Variants in NALF1 observed in about 807,000 individuals in gnomAD.
NALF1 encodes the protein NALCN channel auxiliary factor 1, also known as family with sequence similarity 155 member A.
Under a neutral mutation model 48.4 loss-of-function variants are expected in NALF1, and 3 were observed. That is an observed-to-expected ratio of 0.06 (90% CI 0.03 to 0.16). The LOEUF (loss-of-function observed/expected upper bound fraction) is 0.16, where lower values mean the gene tolerates loss of function less well. Ranked by LOEUF, NALF1 falls within the 10% of genes least tolerant of loss-of-function variation. The pLI is 1.00. For synonymous variants in NALF1, 262 were observed against 245.7 expected (o/e 1.07, Z -0.62); for missense variants, 526 against 571.5 (o/e 0.92, Z 0.81).
chr13:107,434,622 G>A (rs1218837956), intron 1 of NALF1, among the ~76,000 whole-genome samples: 1 of 152,234 alleles, frequency 6.6e-6, no homozygotes, highest in African/African-American at 2.4e-5. Context: ...ATAGAGCTAT[G>A]CGAAGAGGCA....
At chr13:107,195,647 T>G (rs545552430) in intron 2 of NALF1, among the ~76,000 whole-genome samples, 1 of 152,330 alleles carries the variant, frequency 6.6e-6, no homozygotes, top group East Asian at 1.9e-4. Flanking sequence ...TTTCTTAGTT[T>G]ATGAACCAAC....
intron 1 of NALF1, among the ~76,000 whole-genome samples, chr13:107,762,472 G>A (rs3858802): frequency 0.14 from 20,859 of 152,024 alleles, 1,653 homozygotes; most frequent in Admixed American, 0.23. Flanking sequence ...ATCACACAAG[G>A]GGTCATGGGA....
intron 1 of NALF1, among the ~76,000 whole-genome samples, chr13:107,670,917 T>C (rs1594196340): frequency 2.0e-5 from 3 of 152,234 alleles, no homozygotes; most frequent in African/African-American, 7.2e-5. Flanking sequence ...TTCCATTGTC[T>C]AGCCTCTTCT....
At chr13:107,201,650 T>C (rs1021627496) in intron 2 of NALF1, among the ~76,000 whole-genome samples, 4 of 152,246 alleles carry the variant, frequency 2.6e-5, no homozygotes, top group Non-Finnish European at 4.4e-5. Context: ...CAACAGGTCC[T>C]ATCTTGGGAC....
intron 1 of NALF1, among the ~76,000 whole-genome samples, chr13:107,430,405 G>T (rs1884357640): frequency 6.6e-6 from 1 of 151,680 alleles, no homozygotes; most frequent in Non-Finnish European, 1.5e-5. Flanking sequence ...TCGTCATTTA[G>T]CATTAGGTAT....
chr13:107,263,604 T>C (rs768912572), intron 1 of NALF1, among the ~76,000 whole-genome samples: 15 of 152,168 alleles, frequency 9.9e-5, no homozygotes, highest in South Asian at 4.1e-4. Context: ...GATGGTTTTA[T>C]AAGGGGAAAT....
rs1466791774 is a variant in NALF1, at chr13:107,656,990, T to C, written c.915+208692A>G. Among the ~76,000 whole-genome samples the C allele has an allele frequency of 2.0e-5, 3 of 151,790 alleles. No homozygotes were observed. In the East Asian group the frequency reaches 5.8e-4, roughly 29 times the overall value. On this transcript the variant is annotated intron_variant, in intron 1 of 2. Transcript: ENST00000375915. ...AGGCATAAGAATGATACATTGGACTTTGAGGACTGTGTGGGGGTGTGGGGT... is the reference window on the plus strand; with the variant it reads ...AGGCATAAGAATGATACATTGGACTCTGAGGACTGTGTGGGGGTGTGGGGT...
chr13:107,529,522 C>T (rs1427241952), intron 1 of NALF1, among the ~76,000 whole-genome samples: 1 of 152,126 alleles, frequency 6.6e-6, no homozygotes, highest in Non-Finnish European at 1.5e-5. Context: ...TTTCATACAA[C>T]CCTCAATATT....
chr13:107,245,330 T>A (rs534740131), intron 1 of NALF1, among the ~76,000 whole-genome samples: 1 of 152,230 alleles, frequency 6.6e-6, no homozygotes, highest in East Asian at 1.9e-4. Context: ...GTCTCTAGTA[T>A]AAAGTGAAGT....
Position 107,272,612 on chromosome 13 carries a change from A to T in NALF1, c.916-61857T>A, listed in dbSNP as rs146771221. 3.5e-3 allele frequency among the ~76,000 whole-genome samples: 530 copies of T among 152,324 alleles called. 2 individuals are homozygous for T. Among genetic ancestry groups the T allele is most frequent in the Non-Finnish European group, 6.2e-3 (419 of 68,036 alleles). The stretch of plus-strand genomic sequence containing the variant: ...CCTTATAAAATTCTGTTCATTTCAT[A>T]ACTGTAGTGAAGTCAGTTTGCTTAA... On this transcript the variant is annotated intron_variant, in intron 1 of 2. Coordinates refer to ENST00000375915, the MANE Select transcript of NALF1 (RefSeq NM_001080396.3).
chr13:107,433,280 A>G (rs1884412337), intron 1 of NALF1, among the ~76,000 whole-genome samples: 1 of 152,182 alleles, frequency 6.6e-6, no homozygotes. Flanking sequence ...TGGAAGAGAG[A>G]CCAGTTGCCA....
At chr13:107,184,017 T>G (rs143181395) in intron 2 of NALF1, among the ~76,000 whole-genome samples, 1,542 of 151,830 alleles carry the variant, frequency 0.01, 26 homozygotes, top group African/African-American at 0.035. Flanking sequence ...CTCACTCTGT[T>G]GCCGGGCTGG....
chr13:107,241,051 TAAA>T (rs34271681), intron 1 of NALF1, among the ~76,000 whole-genome samples: 1 of 66,382 alleles, frequency 1.5e-5, no homozygotes. Flanking sequence ...CCATATCTAC[TAAA>T]AAAAAAAAAA....
At chr13:107,596,000 T>C (rs1242217213) in intron 1 of NALF1, among the ~76,000 whole-genome samples, 1 of 151,958 alleles carries the variant, frequency 6.6e-6, no homozygotes, top group Non-Finnish European at 1.5e-5. Flanking sequence ...ATATTAAAGG[T>C]TGTGGGGTGG....
rs533258183 is a variant in NALF1, at chr13:107,291,286, G to T, written c.916-80531C>A. On this transcript the variant is annotated intron_variant, in intron 1 of 2. Coordinates refer to ENST00000375915, the MANE Select transcript of NALF1 (RefSeq NM_001080396.3). ...TGTTTCCTGGTTCATGTGTTTAGGT[G>T]CTAAGCATAACATAGGTTGAGCATC... 2.6e-5 allele frequency among the ~76,000 whole-genome samples: 4 copies of T among 152,056 alleles called. No individual in the cohort carries two copies. In the South Asian group the frequency reaches 8.3e-4, roughly 32 times the overall value.
At chr13:107,782,857 C>A (rs1877942743) in intron 1 of NALF1, among the ~76,000 whole-genome samples, 1 of 151,204 alleles carries the variant, frequency 6.6e-6, no homozygotes, top group African/African-American at 2.4e-5. Context: ...CTCCGCCCGG[C>A]AGCCGCCCCG....
intron 1 of NALF1, among the ~76,000 whole-genome samples, chr13:107,433,750 C>G (rs955870261): frequency 2.2e-4 from 33 of 152,118 alleles, no homozygotes; most frequent in Admixed American, 3.9e-4. Flanking sequence ...CAGAAATTCT[C>G]AGAGAAATAA....
At chr13:107,628,024 G>A (rs1044998397) in intron 1 of NALF1, among the ~76,000 whole-genome samples, 1 of 152,088 alleles carries the variant, frequency 6.6e-6, no homozygotes, top group Non-Finnish European at 1.5e-5. Context: ...ACACAATTAT[G>A]CACTCATAAA....
intron 1 of NALF1, among the ~76,000 whole-genome samples, chr13:107,233,967 CA>C (rs1880284217): frequency 6.6e-6 from 1 of 152,160 alleles, no homozygotes; most frequent in Non-Finnish European, 1.5e-5. Context: ...TGAATTATTA[CA>C]TTACTGTACA....
Sources: gnomAD v4.1 joint callset for allele counts (sites outside exome capture counted in the v4.1 genomes callset) on GRCh38, gnomAD v4.1.1 for gene constraint, MANE v1.5 for transcripts, NCBI Gene and HGNC (gene_info 2026-07-23, HGNC 2026-07-21) for gene names.